Variants in SLC35F1 observed in about 807,000 individuals in gnomAD.
SLC35F1 encodes the protein chromosome 6 open reading frame 169.
In SLC35F1, 14 loss-of-function variants were observed where a neutral mutation model predicts 48.7. That is an observed-to-expected ratio of 0.29 (90% confidence interval 0.19 to 0.45). The LOEUF (loss-of-function observed/expected upper bound fraction) is 0.45, where lower values mean the gene tolerates loss of function less well. Among genes scored for constraint, SLC35F1 ranks in the 20% least tolerant of loss-of-function variants. The pLI is 1.00. For missense variants in SLC35F1, 404 were observed against 500.0 expected (o/e 0.81, Z 1.83); for synonymous variants, 190 against 202.2 (o/e 0.94, Z 0.51).
chr6:118,134,773 C>T (rs776670496), intron 1 of SLC35F1, among the ~76,000 whole-genome samples: 5 of 152,128 alleles, frequency 3.3e-5, no homozygotes, highest in African/African-American at 7.2e-5. Context: ...ACCTGGCTAG[C>T]GGCTCAGAAG....
chr6:118,020,514 T>C (rs777608297), intron 1 of SLC35F1, among the ~76,000 whole-genome samples: 1 of 152,180 alleles, frequency 6.6e-6, no homozygotes, highest in Non-Finnish European at 1.5e-5. Flanking sequence ...AGTGTTTGAT[T>C]GGAAAGTGAA....
intron 1 of SLC35F1, among the ~76,000 whole-genome samples, chr6:117,987,275 C>G (rs1372114968): frequency 1.3e-5 from 2 of 149,598 alleles, no homozygotes; most frequent in Non-Finnish European, 3.0e-5. Context: ...TAATGTAAGT[C>G]TTCTAGTTTC....
intron 1 of SLC35F1, among the ~76,000 whole-genome samples, chr6:118,128,052 A>G (rs1773654576): frequency 6.7e-6 from 1 of 149,762 alleles, no homozygotes; most frequent in African/African-American, 2.4e-5. Flanking sequence ...CAAAAGACAC[A>G]TGAAAAAATG....
chr6:118,287,031 G>C (rs1776059917), intron 7 of SLC35F1, among the ~76,000 whole-genome samples: 1 of 152,170 alleles, frequency 6.6e-6, no homozygotes, highest in Non-Finnish European at 1.5e-5. Context: ...AGAGCTTAAA[G>C]AAAGTATCTA....
intron 3 of SLC35F1, among the ~76,000 whole-genome samples, chr6:118,253,138 G>C (rs1775597550): frequency 6.6e-6 from 1 of 152,120 alleles, no homozygotes; most frequent in Admixed American, 6.5e-5. Flanking sequence ...AATCATTCAG[G>C]GTAAATGTGG....
chr6:118,130,722 T>G (rs2114421306), intron 1 of SLC35F1, among the ~76,000 whole-genome samples: 1 of 152,226 alleles, frequency 6.6e-6, no homozygotes, highest in East Asian at 1.9e-4. Context: ...TTCAGAGAAT[T>G]GCCACTACTT....
chr6:117,986,952 A>G (rs1261496723), intron 1 of SLC35F1, among the ~76,000 whole-genome samples: 2 of 152,194 alleles, frequency 1.3e-5, no homozygotes, highest in Non-Finnish European at 2.9e-5. Context: ...ACTGACTTAC[A>G]TAATTAGGTA....
At chr6:117,945,763 T>C (rs913854280) in intron 1 of SLC35F1, among the ~76,000 whole-genome samples, 7 of 152,202 alleles carry the variant, frequency 4.6e-5, no homozygotes, top group Non-Finnish European at 1.0e-4. Flanking sequence ...AGGGAAACCC[T>C]TTTCTTCTGC....
intron 2 of SLC35F1, among the ~76,000 whole-genome samples, chr6:118,205,977 T>G (rs1479111833): frequency 1.3e-5 from 2 of 152,100 alleles, no homozygotes; most frequent in Non-Finnish European, 2.9e-5. Flanking sequence ...TACCAGGGAC[T>G]GGGGAAGGGG....
intron 2 of SLC35F1, among the ~76,000 whole-genome samples, chr6:118,216,462 C>T (rs1255199072): frequency 8.0e-5 from 2 of 25,146 alleles, no homozygotes; most frequent in African/African-American, 2.6e-4. Context: ...CCTACCCCCA[C>T]TTCAAAAAAA....
intron 2 of SLC35F1, among the ~76,000 whole-genome samples, chr6:118,227,622 G>A (rs1562331877): frequency 6.6e-6 from 1 of 152,030 alleles, no homozygotes. Flanking sequence ...TCCATATTAG[G>A]CATTTCTTGA....
At chr6:118,303,320 T>C (rs1025731104) in intron 7 of SLC35F1, among the ~76,000 whole-genome samples, 3 of 152,204 alleles carry the variant, frequency 2.0e-5, no homozygotes, top group African/African-American at 7.2e-5. Flanking sequence ...CCTTCCCCTA[T>C]GCAAAAGAAA....
intron 3 of SLC35F1, among the ~76,000 whole-genome samples, chr6:118,240,624 T>G (rs1186857033): frequency 6.6e-6 from 1 of 152,184 alleles, no homozygotes; most frequent in African/African-American, 2.4e-5. Flanking sequence ...TAATCAAGAA[T>G]AAACATTCTG....
chr6:117,922,791 T>C (rs1775916298), intron 1 of SLC35F1, among the ~76,000 whole-genome samples: 1 of 152,184 alleles, frequency 6.6e-6, no homozygotes, highest in South Asian at 2.1e-4. Flanking sequence ...GAGCCAGGTT[T>C]AGTTGGGATT....
chr6:118,011,931 G>T (rs1455149274), intron 1 of SLC35F1, among the ~76,000 whole-genome samples: 1 of 152,118 alleles, frequency 6.6e-6, no homozygotes, highest in South Asian at 2.1e-4. Context: ...GCTTCTTAGA[G>T]GTCAATCAGA....
rs1475646739 is a variant in SLC35F1 at position 117,907,524 on chromosome 6, C to G, written c.-203C>G. 1 of 307,654 alleles carries G rather than the reference C, an allele frequency of 3.3e-6. No homozygotes were observed. The highest frequency in any genetic ancestry group is 5.9e-6 in the Non-Finnish European group (1 of 170,258). 19.1% of individuals were successfully genotyped at this position (307,654 alleles called of 1,614,324 possible). A position where few individuals can be genotyped will look rare whatever the true frequency, so the allele number is the denominator to read the frequency against. On this transcript the variant is annotated 5_prime_UTR_variant, in exon 1 of 8. Coordinates refer to ENST00000360388, the MANE Select transcript of SLC35F1 (RefSeq NM_001029858.4). ...CGGCACGGGCGCGAGGGTGCGCGCA[C>G]TGGGACTGGAGAGGAGTGAGTGGCG...
chr6:118,248,684 T>C (rs527906813), intron 3 of SLC35F1, among the ~76,000 whole-genome samples: 13 of 152,310 alleles, frequency 8.5e-5, no homozygotes, highest in Middle Eastern at 3.4e-3. Flanking sequence ...CCCTTGATTT[T>C]AGGACTTCTG....
intron 1 of SLC35F1, among the ~76,000 whole-genome samples, chr6:118,122,729 G>A (rs550095631): frequency 1.8e-4 from 28 of 152,244 alleles, no homozygotes; most frequent in African/African-American, 6.7e-4. Context: ...TGGCCAAAAG[G>A]CAGGCAGCCG....
In SLC35F1 at chr6:117,934,527, G is replaced by A. The variant is rs1309379976; in HGVS notation, c.173+26628G>A. Among the ~76,000 whole-genome samples the A allele has an allele frequency of 8.5e-5, 13 of 152,200 alleles. No individual in the cohort carries two copies. In the East Asian group the frequency reaches 2.3e-3, roughly 27 times the overall value. The stretch of plus-strand genomic sequence containing the variant: ...CACTTTGCACAACGTATTTTAAAAG[G>A]AACTTGTAAAATGAATTCTGGTCTC... On this transcript the variant is annotated intron_variant, in intron 1 of 7. Transcript: ENST00000360388.
Sources: allele counts gnomAD v4.1 joint callset (sites outside exome capture counted in the v4.1 genomes callset), GRCh38; gene constraint gnomAD v4.1.1; transcripts MANE v1.5; gene names NCBI Gene and HGNC (gene_info 2026-07-23, HGNC 2026-07-21).